The following PLXDC2 variants were observed in gnomAD, a reference collection of about 807,000 sequenced individuals.
The protein encoded by PLXDC2 is plexin domain-containing protein 2.
In PLXDC2, 40 loss-of-function variants were observed where a neutral mutation model predicts 68.9. The observed-to-expected ratio is 0.58, with a 90% CI of 0.45 to 0.76. The LOEUF is 0.76. PLXDC2 is among the 30% of genes least tolerant of loss of function. PLXDC2 has a pLI of 0.00. For synonymous variants in PLXDC2, 243 were observed against 234.2 expected (o/e 1.04, Z -0.34); for missense variants, 644 against 661.9 (o/e 0.97, Z 0.30).
chr10:20,154,543 G>A (rs1467293263), intron 6 of PLXDC2, among the ~76,000 whole-genome samples: 2 of 143,810 alleles, frequency 1.4e-5, no homozygotes, highest in Non-Finnish European at 3.0e-5. Context: ...CAGCCTGGGC[G>A]ACAGAAGGAG....
intron 1 of PLXDC2, among the ~76,000 whole-genome samples, chr10:19,900,357 G>A (rs1342561829): frequency 6.6e-6 from 1 of 152,094 alleles, no homozygotes; most frequent in Non-Finnish European, 1.5e-5. Flanking sequence ...TTTTGGTTCT[G>A]AACTTCTTGA....
chr10:19,845,178 T>A (rs2131321264), intron 1 of PLXDC2, among the ~76,000 whole-genome samples: 1 of 152,230 alleles, frequency 6.6e-6, no homozygotes. Flanking sequence ...AAGAAGGCCC[T>A]TGCACCAAGT....
chr10:20,080,961 T>C (rs1233757526), intron 4 of PLXDC2, among the ~76,000 whole-genome samples: 1 of 152,202 alleles, frequency 6.6e-6, no homozygotes, highest in Non-Finnish European at 1.5e-5. Context: ...CAGAAACTCC[T>C]GAGGATTCTA....
chr10:20,054,979 A>T (rs186535090), intron 3 of PLXDC2, among the ~76,000 whole-genome samples: 164 of 152,238 alleles, frequency 1.1e-3, no homozygotes, highest in African/African-American at 3.3e-3. Flanking sequence ...TGTTTGCCAG[A>T]CATAAACATA....
intron 12 of PLXDC2, among the ~76,000 whole-genome samples, chr10:20,239,867 A>G (rs1162145729): frequency 6.6e-6 from 1 of 152,206 alleles, no homozygotes; most frequent in Non-Finnish European, 1.5e-5. Context: ...ACTAAACTTC[A>G]TTTATGGGAA....
chr10:20,231,966 C>T (rs1835370917), intron 12 of PLXDC2, among the ~76,000 whole-genome samples: 1 of 151,498 alleles, frequency 6.6e-6, no homozygotes, highest in Non-Finnish European at 1.5e-5. Flanking sequence ...GATCACCTCA[C>T]TCCAGCTCCA....
chr10:20,127,885 G>T (rs11812627), intron 4 of PLXDC2, among the ~76,000 whole-genome samples: 34,241 of 152,010 alleles, frequency 0.23, 5,337 homozygotes, highest in African/African-American at 0.43. Context: ...GGGGCATTAT[G>T]GTTGAAGTGA....
chr10:20,208,564 T>C (rs1307466599), intron 9 of PLXDC2, among the ~76,000 whole-genome samples: 1 of 152,208 alleles, frequency 6.6e-6, no homozygotes, highest in African/African-American at 2.4e-5. Flanking sequence ...AGGGGCAATG[T>C]ATATCTTTAA....
At chr10:19,822,409 A>G (rs935736557) in intron 1 of PLXDC2, among the ~76,000 whole-genome samples, 5 of 151,988 alleles carry the variant, frequency 3.3e-5, no homozygotes, top group Admixed American at 2.0e-4. Context: ...TATCTTGGCT[A>G]TTGTGAATAA....
chr10:20,197,294 C>G (rs1834852627), intron 9 of PLXDC2, among the ~76,000 whole-genome samples: 1 of 152,074 alleles, frequency 6.6e-6, no homozygotes, highest in South Asian at 2.1e-4. Flanking sequence ...CATAGTCTTC[C>G]TTCAAAAAAC....
intron 1 of PLXDC2, among the ~76,000 whole-genome samples, chr10:19,885,811 G>T (rs759642237): frequency 7.9e-5 from 12 of 152,168 alleles, no homozygotes; most frequent in African/African-American, 2.9e-4. Flanking sequence ...TTGTTCTTTT[G>T]GCTTAGGATT....
chr10:20,121,741 T>C (rs1833700327), intron 4 of PLXDC2, among the ~76,000 whole-genome samples: 1 of 152,180 alleles, frequency 6.6e-6, no homozygotes, highest in East Asian at 1.9e-4. Flanking sequence ...CAAAACAATT[T>C]GGTTGATAAG....
intron 2 of PLXDC2, among the ~76,000 whole-genome samples, chr10:20,022,179 G>A (rs888558070): frequency 6.6e-6 from 1 of 152,068 alleles, no homozygotes; most frequent in African/African-American, 2.4e-5. Flanking sequence ...TTTTTTACAC[G>A]TTAAAGCAAT....
At chr10:20,059,250 C>G (rs565796947) in intron 3 of PLXDC2, among the ~76,000 whole-genome samples, 21 of 152,322 alleles carry the variant, frequency 1.4e-4, no homozygotes, top group African/African-American at 4.8e-4. Context: ...TCCTGTCACA[C>G]TCTCTCTGTA....
At chr10:19,974,344 C>T (rs974442392) in intron 1 of PLXDC2, among the ~76,000 whole-genome samples, 17 of 152,206 alleles carry the variant, frequency 1.1e-4, no homozygotes, top group Admixed American at 4.6e-4. Context: ...CCACAACCAG[C>T]TGGTGGTTTC....
chr10:20,110,600 G>A (rs906559756), intron 4 of PLXDC2, among the ~76,000 whole-genome samples: 3 of 152,044 alleles, frequency 2.0e-5, no homozygotes, highest in African/African-American at 7.2e-5. Context: ...ACCAAGACTG[G>A]TCTCAGCAGC....
intron 5 of PLXDC2, among the ~76,000 whole-genome samples, chr10:20,145,543 C>T (rs1422059985): frequency 6.6e-6 from 1 of 151,858 alleles, no homozygotes; most frequent in Non-Finnish European, 1.5e-5. Context: ...GCAAACAGTA[C>T]ACTTTTTTTT....
At chr10:19,903,198 T>G (rs1271354261) in intron 1 of PLXDC2, among the ~76,000 whole-genome samples, 1 of 152,202 alleles carries the variant, frequency 6.6e-6, no homozygotes, top group Non-Finnish European at 1.5e-5. Context: ...ATCGAATGAT[T>G]TAGGGAGGAT....
At chr10:20,083,756 T>A (rs951795061) in intron 4 of PLXDC2, among the ~76,000 whole-genome samples, 1 of 152,080 alleles carries the variant, frequency 6.6e-6, no homozygotes, top group Non-Finnish European at 1.5e-5. Flanking sequence ...TTAAGAAAAA[T>A]TATTTAAATT....
Sources: gnomAD v4.1 joint callset for allele counts (sites outside exome capture counted in the v4.1 genomes callset) on GRCh38, gnomAD v4.1.1 for gene constraint, MANE v1.5 for transcripts, NCBI Gene and HGNC (gene_info 2026-07-23, HGNC 2026-07-21) for gene names.